The following ASXL3 variants were observed in gnomAD, a reference collection of about 807,000 sequenced individuals.
The protein encoded by ASXL3 is ASXL transcriptional regulator 3.
A neutral mutation model predicts 170.6 loss-of-function variants in ASXL3; 34 were observed. The ratio of observed to expected loss-of-function variants is 0.20; its 90% CI spans 0.15 to 0.27. ASXL3 has a LOEUF of 0.27. Ranked by LOEUF, ASXL3 falls within the 10% of genes least tolerant of loss-of-function variation. The pLI, the probability that ASXL3 is intolerant of heterozygous loss-of-function variation, is 1.00. For missense variants in ASXL3, 2,592 were observed against 2,695.3 expected, an observed-to-expected ratio of 0.96 and a Z score of 0.85; for synonymous variants, 1,002 against 989.1, an observed-to-expected ratio of 1.01 and a Z score of -0.24.
At chr18:33,676,006 C>T (rs555015667) in intron 7 of ASXL3, among the ~76,000 whole-genome samples, 46 of 151,806 alleles carry the variant, frequency 3.0e-4, no homozygotes, top group Admixed American at 1.2e-3. Flanking sequence ...GGGCGGATCA[C>T]GAGGTCAGGA....
At chr18:33,610,866 A>C (rs1191937353) in intron 2 of ASXL3, among the ~76,000 whole-genome samples, 2 of 152,070 alleles carry the variant, frequency 1.3e-5, no homozygotes, top group Admixed American at 6.6e-5. Context: ...ATCCCATTAA[A>C]TATATGTATG....
At chr18:33,681,519 T>C (rs2066514897) in intron 7 of ASXL3, among the ~76,000 whole-genome samples, 1 of 152,092 alleles carries the variant, frequency 6.6e-6, no homozygotes, top group South Asian at 2.1e-4. Flanking sequence ...ACTGTCTTTA[T>C]TGATTTATTG....
chr18:33,722,874 A>G (rs2067285946), intron 8 of ASXL3, among the ~76,000 whole-genome samples: 1 of 152,094 alleles, frequency 6.6e-6, no homozygotes, highest in Non-Finnish European at 1.5e-5. Context: ...TTTAAGTGGA[A>G]ACCAGTGCTC....
chr18:33,621,240 T>C (rs1599406340), intron 2 of ASXL3, among the ~76,000 whole-genome samples: 1 of 152,176 alleles, frequency 6.6e-6, no homozygotes, highest in Non-Finnish European at 1.5e-5. Context: ...AATATTTGAC[T>C]CATCTTTAAG....
intron 8 of ASXL3, among the ~76,000 whole-genome samples, chr18:33,685,955 G>A (rs143368089): frequency 2.4e-4 from 37 of 152,310 alleles, no homozygotes; most frequent in African/African-American, 8.7e-4. Flanking sequence ...AGGTTTGGAA[G>A]GGACAAAACC....
In ASXL3 at chr18:33,670,721, A is replaced by G; in HGVS notation, c.526A>G (p.Asn176Asp). 1.3e-6 allele frequency: 2 copies of G among 1,572,424 alleles called. No homozygotes were observed. Among genetic ancestry groups the G allele is most frequent in the Non-Finnish European group, 1.7e-6 (2 of 1,157,680 alleles). Residue 176 changes from asparagine (N) to aspartate (D), a missense_variant, in exon 6 of 12, where the codon AAC (asparagine) becomes GAC (aspartate). Coordinates refer to ENST00000269197, the MANE Select transcript of ASXL3 (RefSeq NM_030632.3). ...KRRNGVSMMV[N>D]KTVPRVVLTP... ...AAGAAATGGAGTCTCAATGATGGTAAACAAGACTGTTCCTCGTGTTGTTTT... is the reference window on the plus strand; with the variant it reads ...AAGAAATGGAGTCTCAATGATGGTAGACAAGACTGTTCCTCGTGTTGTTTT...
intron 5 of ASXL3, among the ~76,000 whole-genome samples, chr18:33,667,920 TAA>T (rs2066284187): frequency 1.3e-5 from 2 of 152,178 alleles, no homozygotes; most frequent in African/African-American, 4.8e-5. Flanking sequence ...GCAGAAAGGA[TAA>T]GTTATATAAA....
chr18:33,631,418 C>A (rs775121307), intron 2 of ASXL3, among the ~76,000 whole-genome samples: 2 of 151,962 alleles, frequency 1.3e-5, no homozygotes, highest in Non-Finnish European at 2.9e-5. Context: ...CCAAGTGATG[C>A]GTCTTGCTTA....
intron 8 of ASXL3, among the ~76,000 whole-genome samples, chr18:33,707,550 A>G (rs1234242141): frequency 4.0e-5 from 6 of 151,840 alleles, no homozygotes. Flanking sequence ...GAATGTGCTA[A>G]TTCACGTATT....
chr18:33,650,239 G>C (rs1173495853), intron 4 of ASXL3, among the ~76,000 whole-genome samples: 1 of 152,120 alleles, frequency 6.6e-6, no homozygotes, highest in Non-Finnish European at 1.5e-5. Flanking sequence ...AGAGTTGGCA[G>C]ATAAGTACAG....
intron 2 of ASXL3, among the ~76,000 whole-genome samples, chr18:33,619,512 T>G (rs2065477621): frequency 6.6e-6 from 1 of 152,060 alleles, no homozygotes; most frequent in South Asian, 2.1e-4. Flanking sequence ...CACACCGTTT[T>G]GCTTGTCCAA....
chr18:33,619,273 A>G (rs1477960114), intron 2 of ASXL3, among the ~76,000 whole-genome samples: 1 of 152,108 alleles, frequency 6.6e-6, no homozygotes, highest in Non-Finnish European at 1.5e-5. Flanking sequence ...TTAAAAAAGT[A>G]TTGGTTATAA....
At chr18:33,629,492 A>G (rs1262512545) in intron 2 of ASXL3, among the ~76,000 whole-genome samples, 1 of 152,112 alleles carries the variant, frequency 6.6e-6, no homozygotes, top group Non-Finnish European at 1.5e-5. Context: ...GTAGTTCTCT[A>G]TAATTTTAGC....
chr18:33,693,064 C>T (rs942048656), intron 8 of ASXL3, among the ~76,000 whole-genome samples: 2 of 152,036 alleles, frequency 1.3e-5, no homozygotes, highest in Non-Finnish European at 2.9e-5. Flanking sequence ...GCCTTATCTC[C>T]GAAGAAAATC....
At position 33,578,406 on chromosome 18, in the gene ASXL3, CCGT is replaced by C. The variant is rs1490646022; in HGVS notation, c.-223_-221del. ...CGCCCGCCGCGCGCCGCCGCCGCCG[CCGT>C]CGCGCGCCCCCACCCACTCCACCCC... On this transcript the variant is annotated 5_prime_UTR_variant, in exon 1 of 12. Transcript: ENST00000269197. The C allele has an allele frequency of 9.3e-6, 1 of 107,290 alleles. No homozygotes were observed. The highest frequency in any genetic ancestry group is 2.0e-5 in the Non-Finnish European group (1 of 50,668). 6.6% of individuals were successfully genotyped at this position (107,290 alleles called of 1,614,324 possible).
intron 4 of ASXL3, among the ~76,000 whole-genome samples, chr18:33,657,019 T>C (rs552812456): frequency 6.6e-6 from 1 of 152,268 alleles, no homozygotes; most frequent in East Asian, 1.9e-4. Flanking sequence ...CATCTTCGCA[T>C]GTAAGTCCCT....
chr18:33,612,198 T>TATAC (rs200861723), intron 2 of ASXL3, among the ~76,000 whole-genome samples: 3 of 151,890 alleles, frequency 2.0e-5, no homozygotes, highest in African/African-American at 7.3e-5. Context: ...TATATATATA[T>TATAC]ACACAAACCA....
chr18:33,745,243 C>G lies in ASXL3; in HGVS notation c.5395C>G (p.Pro1799Ala). ...KTAPERNVEIPPSSPNPDGKG... is the reference protein window; with the variant it reads ...KTAPERNVEIAPSSPNPDGKG... ...AGCACCAGAGAGAAACGTTGAAATT[C>G]CGCCCAGCTCTCCAAATCCAGATGG... Residue 1799 changes from proline (P) to alanine (A), a missense_variant, in exon 12 of 12, where the codon CCG becomes GCG. Around this residue, in one of 4 missense-constraint regions of ASXL3, gnomAD observed 2,246 missense variants for 2,219.6 expected, o/e 1.01. Transcript: ENST00000269197. 1 of 1,613,992 alleles carries G rather than the reference C, an allele frequency of 6.2e-7. No individual in the cohort carries two copies. The highest frequency in any genetic ancestry group is 8.5e-7 in the Non-Finnish European group (1 of 1,179,894).
chr18:33,698,159 T>G (rs987390823), intron 8 of ASXL3, among the ~76,000 whole-genome samples: 1 of 152,094 alleles, frequency 6.6e-6, no homozygotes, highest in Non-Finnish European at 1.5e-5. Flanking sequence ...ACTTTGCCCT[T>G]GTGAATGGGA....
Sources: gnomAD v4.1 joint callset for allele counts (sites outside exome capture counted in the v4.1 genomes callset) on GRCh38, gnomAD v4.1.1 for gene constraint, gnomAD v4.1.1 regional missense constraint, MANE v1.5 for transcripts, NCBI Gene and HGNC (gene_info 2026-07-23, HGNC 2026-07-21) for gene names.